The following VPS35L variants were observed in gnomAD, a reference collection of about 807,000 sequenced individuals.
VPS35L encodes VPS35 endosomal protein-sorting factor-like.
VPS35L carries 83 observed loss-of-function variants against 133.0 expected under a neutral mutation model. The observed-to-expected ratio is 0.62, with a 90% confidence interval of 0.52 to 0.75. The LOEUF is 0.75. Ranked by LOEUF, VPS35L falls within the 30% of genes least tolerant of loss-of-function variation. The pLI, the probability that VPS35L is intolerant of heterozygous loss-of-function variation, is 0.00. For synonymous variants in VPS35L, 423 were observed against 449.9 expected (o/e 0.94, Z 0.76); for missense variants, 1,083 against 1,206.8 (o/e 0.90, Z 1.52).
At chr16:19,613,164 G>A (rs1012824792) in intron 12 of VPS35L, among the ~76,000 whole-genome samples, 3 of 152,158 alleles carry the variant, frequency 2.0e-5, no homozygotes, top group Non-Finnish European at 4.4e-5. Context: ...TTAGCCGGGC[G>A]TGGTGGTACA....
chr16:19,577,883 C>A (rs558612909), intron 5 of VPS35L, among the ~76,000 whole-genome samples: 12 of 152,362 alleles, frequency 7.9e-5, no homozygotes, highest in African/African-American at 2.6e-4. Flanking sequence ...TCTGCTGGGA[C>A]CTTGATCTTG....
intron 12 of VPS35L, among the ~76,000 whole-genome samples, chr16:19,611,022 T>C (rs553586904): frequency 7.9e-5 from 12 of 152,262 alleles, no homozygotes; most frequent in Admixed American, 2.6e-4. Context: ...TTTTTGGAGA[T>C]GGAGTCTTAC....
chr16:19,671,966 A>G (rs1974891958), intron 27 of VPS35L, among the ~76,000 whole-genome samples: 1 of 152,144 alleles, frequency 6.6e-6, no homozygotes, highest in Non-Finnish European at 1.5e-5. Context: ...AGGCTCACAA[A>G]TCAGCATTTT....
chr16:19,663,547 G>A lies in VPS35L; in HGVS notation c.2222-5613G>A, dbSNP rs1254867402. The stretch of plus-strand genomic sequence containing the variant: ...TTTTTCCCCCGCCACCCTCCCCCCC[G>A]ATTTTTTGTATGTAATATGTCATAG... On this transcript the variant is annotated intron_variant, in intron 26 of 30. Transcript: ENST00000417362. Among the ~76,000 whole-genome samples, 6 of 70,880 alleles carry A rather than the reference G, an allele frequency of 8.5e-5. No individual in the cohort carries two copies. The East Asian group carries it at 1.3e-3, about 15-fold the overall frequency. 46.5% of individuals were successfully genotyped at this position (70,880 alleles called of 152,430 possible).
chr16:19,695,351 G>C (rs1172679211), intron 29 of VPS35L, among the ~76,000 whole-genome samples: 2 of 152,212 alleles, frequency 1.3e-5, no homozygotes, highest in Admixed American at 1.3e-4. Flanking sequence ...ATATAATTTG[G>C]AGCTATTTAT....
chr16:19,626,222 A>G lies in VPS35L; in HGVS notation c.1270A>G (p.Asn424Asp), dbSNP rs1186511914. Reference protein sequence around the residue: ...MMERCKKLGNNALLLNSVMSA... With the variant: ...MMERCKKLGNDALLLNSVMSA... Reference sequence around the variant, plus strand: ...GGAAAGGTGTAAGAAACTAGGAAACAAGTAAGTATTTTAAGATTCATAAAG... The same window carrying G: ...GGAAAGGTGTAAGAAACTAGGAAACGAGTAAGTATTTTAAGATTCATAAAG... The change falls in exon 15 of 31, where the codon AAT (asparagine) becomes GAT (aspartate). Residue 424 changes from asparagine (N) to aspartate (D), a missense_variant and splice_region_variant. Asn to Asp is a conservative substitution (Grantham distance 23). Coordinates refer to ENST00000417362, the MANE Select transcript of VPS35L (RefSeq NM_020314.7). 3 of 1,598,102 alleles carry G rather than the reference A, an allele frequency of 1.9e-6. No homozygotes were observed. The African/African-American group carries it at 4.0e-5, about 22-fold the overall frequency.
chr16:19,562,528 A>G (rs1331095219), intron 1 of VPS35L, among the ~76,000 whole-genome samples: 3 of 152,136 alleles, frequency 2.0e-5, no homozygotes, highest in African/African-American at 4.8e-5. Context: ...TAACTTGTCT[A>G]TGACTTTGTG....
At chr16:19,637,412 A>G (rs1040675030) in intron 19 of VPS35L, among the ~76,000 whole-genome samples, 182 bp from the exon 20 acceptor site, 2 of 152,150 alleles carry the variant, frequency 1.3e-5, no homozygotes, top group Non-Finnish European at 2.9e-5. Context: ...AGCCTACCCT[A>G]AGCCCAGTTC....
chr16:19,696,702 C>CATTAAA, intron 29 of VPS35L, among the ~76,000 whole-genome samples: 1 of 152,034 alleles, frequency 6.6e-6, no homozygotes, highest in South Asian at 2.1e-4. Flanking sequence ...GACACGTCTC[C>CATTAAA]AATGATTTCA....
At chr16:19,698,182 G>T (rs1352383158) in intron 29 of VPS35L, among the ~76,000 whole-genome samples, 1 of 152,046 alleles carries the variant, frequency 6.6e-6, no homozygotes, top group Non-Finnish European at 1.5e-5. Flanking sequence ...GTTCCTTCAG[G>T]GTATTTGCAG....
intron 26 of VPS35L, among the ~76,000 whole-genome samples, chr16:19,666,927 T>TCTTC (rs57691626): frequency 0.052 from 3,223 of 61,538 alleles, 102 homozygotes; most frequent in East Asian, 0.079. Flanking sequence ...TTTCTTTCTT[T>TCTTC]CTTTCTTCCT....
At chr16:19,613,969 C>A (rs1972807865) in intron 12 of VPS35L, among the ~76,000 whole-genome samples, 1 of 152,162 alleles carries the variant, frequency 6.6e-6, no homozygotes, top group African/African-American at 2.4e-5. Context: ...AGCAGATATC[C>A]AAGCTGCTCA....
intron 1 of VPS35L, among the ~76,000 whole-genome samples, chr16:19,556,567 CG>C (rs1970863596): frequency 6.6e-6 from 1 of 152,122 alleles, no homozygotes; most frequent in Non-Finnish European, 1.5e-5. Context: ...GATTTGGGGA[CG>C]GGGAATCTCT....
At position 19,598,525 on chromosome 16, in the gene VPS35L, T is replaced by C. The variant is rs537531250; in HGVS notation, c.725-3139T>C. 2.6e-5 allele frequency among the ~76,000 whole-genome samples: 4 copies of C among 152,328 alleles called. No individual in the cohort carries two copies. In the South Asian group the frequency reaches 8.3e-4, roughly 32 times the overall value. On this transcript the variant is annotated intron_variant, in intron 8 of 30. Coordinates refer to ENST00000417362, the MANE Select transcript of VPS35L (RefSeq NM_020314.7). The stretch of plus-strand genomic sequence containing the variant: ...GAGGCCCAGTACAGTGGCTCATATC[T>C]GTAATCCCAGCACTTTGGGAAGCCA...
At position 19,580,714 on chromosome 16, in the gene VPS35L, C is replaced by A. The variant is rs73532000; in HGVS notation, c.511-811C>A. The stretch of plus-strand genomic sequence containing the variant: ...CTCCTTGGTCTAATTAACACCCCCA[C>A]ACTCTGCAGTACCTGTACTCCCCTG... On this transcript the variant is annotated intron_variant, in intron 6 of 30. Transcript: ENST00000417362. Among the ~76,000 whole-genome samples, 899 of 152,256 alleles carry A rather than the reference C, an allele frequency of 5.9e-3. 10 individuals are homozygous for A. The highest frequency in any genetic ancestry group is 0.02 in the African/African-American group (835 of 41,532).
At chr16:19,586,154 C>T (rs1971856640) in intron 7 of VPS35L, among the ~76,000 whole-genome samples, 1 of 152,178 alleles carries the variant, frequency 6.6e-6, no homozygotes, top group Non-Finnish European at 1.5e-5. Context: ...TTCATCTTGG[C>T]CTCCCAAAGT....
chr16:19,664,862 C>G (rs904103459), intron 26 of VPS35L, among the ~76,000 whole-genome samples: 1 of 151,042 alleles, frequency 6.6e-6, no homozygotes, highest in Middle Eastern at 3.4e-3. Flanking sequence ...ATCACATCAC[C>G]GCATTCCAGC....
At chr16:19,630,720 G>A (rs1973427436) in intron 18 of VPS35L, among the ~76,000 whole-genome samples, 1 of 152,060 alleles carries the variant, frequency 6.6e-6, no homozygotes, top group Non-Finnish European at 1.5e-5. Context: ...TAGCCCCCAG[G>A]ATGATGGTAT....
At chr16:19,664,973 T>G (rs1308233921) in intron 26 of VPS35L, among the ~76,000 whole-genome samples, 1 of 152,002 alleles carries the variant, frequency 6.6e-6, no homozygotes, top group Non-Finnish European at 1.5e-5. Context: ...GCCTAGTCCG[T>G]GTACTTGCTG....
Sources: allele counts gnomAD v4.1 joint callset (sites outside exome capture counted in the v4.1 genomes callset), GRCh38; gene constraint gnomAD v4.1.1; transcripts MANE v1.5; gene names NCBI Gene and HGNC (gene_info 2026-07-23, HGNC 2026-07-21).